The following IL34 variants were observed in gnomAD, a reference collection of about 807,000 sequenced individuals.
IL34 encodes interleukin-34.
In IL34, 17 loss-of-function variants were observed where a neutral mutation model predicts 25.3. The observed-to-expected ratio is 0.67, with a 90% CI of 0.46 to 1.01. The LOEUF is 1.01. Among genes scored for constraint, IL34 ranks in the 50% least tolerant of loss-of-function variants. The pLI is 0.00. For missense variants in IL34, 368 were observed against 312.9 expected (o/e 1.18, Z -1.33); for synonymous variants, 174 against 140.9 (o/e 1.23, Z -1.66).
Position 70,656,962 on chromosome 16 carries a change from G to C in IL34, c.243G>C (p.Gln81His), listed in dbSNP as rs1341364544. The change falls in exon 4 of 6, where the codon CAG becomes CAC. Residue 81 changes from glutamine to histidine, a missense_variant and splice_region_variant. Gln to His is a conservative substitution (Grantham distance 24). Coordinates refer to ENST00000288098, the MANE Select transcript of IL34 (RefSeq NM_001393494.1). ...VFRIANVTRL[Q>H]RAQVSERELR... ...CAGTGACTTCCCTGTTTCCGCAGCAGAGGGCCCAGGTGAGCGAGCGGGAGC... is the reference window on the plus strand; with the variant it reads ...CAGTGACTTCCCTGTTTCCGCAGCACAGGGCCCAGGTGAGCGAGCGGGAGC... 1.0e-5 allele frequency: 16 copies of C among 1,605,638 alleles called. No individual in the cohort carries two copies. The highest frequency in any genetic ancestry group is 1.3e-5 in the Non-Finnish European group (15 of 1,175,718).
chr16:70,599,605 C>T (rs2050886046), intron 1 of IL34, among the ~76,000 whole-genome samples: 2 of 151,292 alleles, frequency 1.3e-5, no homozygotes, highest in South Asian at 2.1e-4. Flanking sequence ...GAACTCCTGA[C>T]CTTCAGGTGA....
chr16:70,645,971 T>A (rs1194786778), upstream of IL34, among the ~76,000 whole-genome samples: 1 of 152,190 alleles, frequency 6.6e-6, no homozygotes, highest in Non-Finnish European at 1.5e-5. Flanking sequence ...GAGAATTGCT[T>A]GAACCCTGGA....
At chr16:70,629,749 T>C (rs2051476823) in intron 1 of IL34, among the ~76,000 whole-genome samples, 1 of 152,076 alleles carries the variant, frequency 6.6e-6, no homozygotes, top group South Asian at 2.1e-4. Context: ...AGTAGATATA[T>C]ATATTTATGG....
chr16:70,657,044 C>T lies in IL34; in HGVS notation c.325C>T (p.Leu109=), dbSNP rs372238545. The part of the protein sequence containing the change: ...LSATESVQDV[L]LEGHPSWKYL... ...TGCCACTGAGTCGGTGCAGGACGTG[C>T]TGCTCGAGGGCCACCCATCCTGGAA... The change falls in exon 4 of 6, where the codon CTG becomes TTG. Residue 109 remains leucine, a synonymous_variant. Coordinates refer to ENST00000288098, the MANE Select transcript of IL34 (RefSeq NM_001393494.1). 1.9e-6 allele frequency: 3 copies of T among 1,612,794 alleles called. No individual in the cohort carries two copies. The highest frequency in any genetic ancestry group is 2.2e-5 in the East Asian group (1 of 44,860).
intron 1 of IL34, among the ~76,000 whole-genome samples, chr16:70,622,044 T>G (rs1271342058): frequency 6.6e-6 from 1 of 152,034 alleles, no homozygotes. Flanking sequence ...TGGCTTGGCT[T>G]GGGCTCAGAG....
At chr16:70,642,067 C>T (rs958722972), upstream of IL34, among the ~76,000 whole-genome samples, 7 of 152,078 alleles carry the variant, frequency 4.6e-5, no homozygotes, top group South Asian at 2.1e-4. Context: ...TACCATAGAC[C>T]GGGTGGCTTA....
intron 1 of IL34, among the ~76,000 whole-genome samples, chr16:70,637,048 G>C (rs998312950): frequency 6.6e-6 from 1 of 151,914 alleles, no homozygotes; most frequent in African/African-American, 2.4e-5. Context: ...TTTTAGTAGA[G>C]ACGGGGTTTT....
intron 1 of IL34, among the ~76,000 whole-genome samples, chr16:70,624,656 C>A (rs767938657): frequency 6.6e-6 from 1 of 152,092 alleles, no homozygotes; most frequent in East Asian, 1.9e-4. Context: ...TTCACCTTGA[C>A]TATGCCTTTA....
At chr16:70,656,078 T>C (rs2151883064) in intron 2 of IL34, among the ~76,000 whole-genome samples, 1 of 152,340 alleles carries the variant, frequency 6.6e-6, no homozygotes, top group South Asian at 2.1e-4. Flanking sequence ...CTCTTGAGCC[T>C]GAAATTTCTG....
rs1193812391 is a variant in IL34, at chr16:70,651,880, CT to C, written c.29-2655del. On this transcript the variant is annotated intron_variant, in intron 1 of 5. Transcript: ENST00000288098. ...GTGGCTTATGCCTGTAATCCCAGCA[CT>C]TTGGGAGGCTGAGGTGGGTGGATCA... Among the ~76,000 whole-genome samples the C allele has an allele frequency of 9.9e-5, 15 of 152,154 alleles. No homozygotes were observed. In the East Asian group the frequency reaches 2.9e-3, roughly 29 times the overall value.
chr16:70,653,860 A>T (rs549713533), intron 1 of IL34, among the ~76,000 whole-genome samples: 1 of 152,060 alleles, frequency 6.6e-6, no homozygotes. Flanking sequence ...GTTCAGTCAC[A>T]TGGAAATCGT....
Position 70,616,809 on chromosome 16 carries a change from G to GCTATTTTTA in IL34, c.-400-29736_-400-29728dup, listed in dbSNP as rs564475357. Among the ~76,000 whole-genome samples, 877 of 152,242 alleles carry GCTATTTTTA rather than the reference G, an allele frequency of 5.8e-3. 6 individuals carry two copies. The highest frequency in any genetic ancestry group is 0.017 in the Middle Eastern group (5 of 294). ...CAATGGTGGAATGTCATCAGTTAAG[G>GCTATTTTTA]CTATTTTTACTTCTTTTGTGGATCT... On this transcript the variant is annotated intron_variant, in intron 1 of 6. Transcript: ENST00000429149.
intron 1 of IL34, among the ~76,000 whole-genome samples, chr16:70,628,645 C>T (rs2051450144): frequency 6.6e-6 from 1 of 151,898 alleles, no homozygotes; most frequent in African/African-American, 2.4e-5. Flanking sequence ...CGCCACCATG[C>T]CTGGCTAATT....
intron 1 of IL34, among the ~76,000 whole-genome samples, chr16:70,582,080 T>C (rs11640374): frequency 0.39 from 59,372 of 152,064 alleles, 11,883 homozygotes; most frequent in South Asian, 0.63. Context: ...CCAGGCAAAA[T>C]TGATAAGGTC....
chr16:70,604,072 AT>A (rs370662295), intron 1 of IL34, among the ~76,000 whole-genome samples: 30 of 152,328 alleles, frequency 2.0e-4, no homozygotes, highest in Admixed American at 5.9e-4. Flanking sequence ...AAGGAGAAAT[AT>A]GTGAAACTAT....
At chr16:70,593,542 G>A (rs1410770244) in intron 1 of IL34, among the ~76,000 whole-genome samples, 2 of 152,072 alleles carry the variant, frequency 1.3e-5, no homozygotes, top group Non-Finnish European at 2.9e-5. Flanking sequence ...TTTTGAGACA[G>A]GATCTCACTC....
intron 1 of IL34, among the ~76,000 whole-genome samples, chr16:70,606,748 G>C (rs6499325): frequency 0.17 from 26,530 of 151,848 alleles, 3,408 homozygotes; most frequent in African/African-American, 0.36. Flanking sequence ...CCACCATGCC[G>C]GGCTAATTTT....
intron 1 of IL34, among the ~76,000 whole-genome samples, chr16:70,647,970 G>A (rs1293183633): frequency 1.3e-5 from 2 of 152,200 alleles, no homozygotes; most frequent in Non-Finnish European, 2.9e-5. Context: ...GGGTCATGAG[G>A]CCCATGTTCC....
At chr16:70,588,174 T>A (rs2050715567) in intron 1 of IL34, among the ~76,000 whole-genome samples, 1 of 151,902 alleles carries the variant, frequency 6.6e-6, no homozygotes, top group Non-Finnish European at 1.5e-5. Flanking sequence ...GAAACTAGTT[T>A]AGTGGTTCCT....
Sources: allele counts gnomAD v4.1 joint callset (sites outside exome capture counted in the v4.1 genomes callset), GRCh38; gene constraint gnomAD v4.1.1; transcripts MANE v1.5; gene names NCBI Gene and HGNC (gene_info 2026-07-23, HGNC 2026-07-21).